The following ANGPT1 variants were observed in gnomAD, a reference collection of about 807,000 sequenced individuals.
ANGPT1 encodes the protein angiopoietin-1.
Under a neutral mutation model 62.2 loss-of-function variants are expected in ANGPT1, and 17 were observed. The observed-to-expected ratio is 0.27, with a 90% CI of 0.19 to 0.41. The LOEUF is 0.41. Among genes scored for constraint, ANGPT1 ranks in the 10% least tolerant of loss-of-function variants. The pLI, the probability that ANGPT1 is intolerant of heterozygous loss-of-function variation, is 1.00. For missense variants in ANGPT1, 478 were observed against 594.9 expected (o/e 0.80, Z 2.04); for synonymous variants, 199 against 198.9 (o/e 1.00, Z 0.00).
intron 1 of ANGPT1, among the ~76,000 whole-genome samples, chr8:107,439,336 A>G (rs1307098210): frequency 6.6e-6 from 1 of 152,208 alleles, no homozygotes; most frequent in African/African-American, 2.4e-5. Flanking sequence ...TAATAACTGT[A>G]TTGTACAAAG....
intron 2 of ANGPT1, among the ~76,000 whole-genome samples, chr8:107,337,784 CAG>C (rs1314947332): frequency 2.6e-5 from 4 of 152,064 alleles, no homozygotes; most frequent in Admixed American, 6.6e-5. Context: ...CAGATGCACA[CAG>C]AAAGTCTACT....
At chr8:107,444,173 C>A (rs1299256480) in intron 1 of ANGPT1, among the ~76,000 whole-genome samples, 1 of 152,100 alleles carries the variant, frequency 6.6e-6, no homozygotes, top group Non-Finnish European at 1.5e-5. Flanking sequence ...CAAACAAAAC[C>A]CCTAAACCTC....
chr8:107,280,521 T>C (rs1326731362), intron 7 of ANGPT1, among the ~76,000 whole-genome samples: 1 of 152,170 alleles, frequency 6.6e-6, no homozygotes, highest in Non-Finnish European at 1.5e-5. Context: ...CAGGGAAGAC[T>C]TGGAATAAGA....
At chr8:107,305,699 T>A (rs908368580) in intron 4 of ANGPT1, among the ~76,000 whole-genome samples, 1 of 152,056 alleles carries the variant, frequency 6.6e-6, no homozygotes, top group Non-Finnish European at 1.5e-5. Context: ...TGGTAACATA[T>A]CTGAAATAGA....
chr8:107,313,993 G>C (rs1814948768), intron 4 of ANGPT1, among the ~76,000 whole-genome samples: 1 of 152,012 alleles, frequency 6.6e-6, no homozygotes, highest in Non-Finnish European at 1.5e-5. Context: ...AGTAATTATA[G>C]GTGTCATTTG....
chr8:107,383,001 C>T (rs1156446131), intron 1 of ANGPT1, among the ~76,000 whole-genome samples: 1 of 152,118 alleles, frequency 6.6e-6, no homozygotes, highest in Non-Finnish European at 1.5e-5. Flanking sequence ...TGCTGAAATG[C>T]TATCTTTATT....
chr8:107,369,364 G>A (rs954879836), intron 1 of ANGPT1, among the ~76,000 whole-genome samples: 27 of 152,124 alleles, frequency 1.8e-4, no homozygotes, highest in African/African-American at 3.9e-4. Flanking sequence ...AGGTAATGTC[G>A]TGGCTGGTTT....
chr8:107,288,130 G>T (rs985985645), intron 6 of ANGPT1, among the ~76,000 whole-genome samples: 2 of 152,052 alleles, frequency 1.3e-5, no homozygotes, highest in Non-Finnish European at 2.9e-5. Context: ...TATTTAAAAG[G>T]CTCTCAGAGG....
chr8:107,372,115 C>A lies in ANGPT1; in HGVS notation c.298-25018G>T, dbSNP rs182105130. ...TAAATAGAAATTTTCAACTTCAAAA[C>A]TATTGACACTTAGGGCAAGGTGATG... On this transcript the variant is annotated intron_variant, in intron 1 of 8. Transcript: ENST00000517746. Among the ~76,000 whole-genome samples the A allele has an allele frequency of 2.0e-3, 301 of 152,108 alleles. 1 individual carries two copies. The highest frequency in any genetic ancestry group is 2.7e-3 in the Non-Finnish European group (184 of 68,004).
chr8:107,395,839 T>C (rs1816924083), intron 1 of ANGPT1, among the ~76,000 whole-genome samples: 1 of 152,152 alleles, frequency 6.6e-6, no homozygotes, highest in African/African-American at 2.4e-5. Flanking sequence ...AAAGATAGGA[T>C]GTACTTCTTC....
intron 8 of ANGPT1, among the ~76,000 whole-genome samples, chr8:107,258,051 A>G (rs1813411756): frequency 1.3e-5 from 2 of 150,702 alleles, no homozygotes; most frequent in Admixed American, 1.3e-4. Flanking sequence ...TATCAAATTC[A>G]CTTAAAACTT....
chr8:107,299,391 GTATATATA>G (rs59247214), intron 5 of ANGPT1, among the ~76,000 whole-genome samples: 27,503 of 112,488 alleles, frequency 0.24, 3,548 homozygotes, highest in Middle Eastern at 0.39. Flanking sequence ...ATGAAGGAGT[GTATATATA>G]TATATATATA....
chr8:107,324,908 C>T (rs767615576), intron 3 of ANGPT1, among the ~76,000 whole-genome samples: 1 of 152,054 alleles, frequency 6.6e-6, no homozygotes, highest in Non-Finnish European at 1.5e-5. Flanking sequence ...TGCCCTGCAC[C>T]GATCATAAAG....
Position 107,250,352 on chromosome 8 carries a change from T to C in ANGPT1, c.*1503A>G, listed in dbSNP as rs1279298357. The C allele has an allele frequency of 2.0e-5, 3 of 152,140 alleles. No homozygotes were observed. The allele number at this position is 152,140 out of a possible 1,614,324, so 9.4% of individuals were successfully genotyped here. On this transcript the variant is annotated 3_prime_UTR_variant, in exon 9 of 9. Coordinates refer to ENST00000517746, the MANE Select transcript of ANGPT1 (RefSeq NM_001146.5). ...AATTCACTTAAAATACATTATCCCA[T>C]AGGAATATTTCCATTGAGTTATTTA...
intron 1 of ANGPT1, among the ~76,000 whole-genome samples, chr8:107,456,806 C>T (rs573543903): frequency 2.0e-5 from 3 of 152,026 alleles, no homozygotes; most frequent in South Asian, 2.1e-4. Context: ...ATGTAAATCT[C>T]GAATTATACC....
Position 107,497,322 on chromosome 8 carries a change from A to G in ANGPT1, c.237T>C (p.Ser79=). Residue 79 remains serine, a synonymous_variant, in exon 1 of 9, where the codon TCT becomes TCC. Coordinates refer to ENST00000517746, the MANE Select transcript of ANGPT1 (RefSeq NM_001146.5). ...GTTCCAGATGTTGAAGTTTCTGGGA[A>G]GAGAAATCCGGTTCCACGTGTGGAG... ...RDAPHVEPDF[S]SQKLQHLEHV... 6.2e-7 allele frequency: 1 copy of G among 1,614,192 alleles called. No homozygotes were observed. Among genetic ancestry groups the G allele is most frequent in the Non-Finnish European group, 8.5e-7 (1 of 1,180,022 alleles).
chr8:107,407,633 C>T (rs182117588), intron 1 of ANGPT1, among the ~76,000 whole-genome samples: 4 of 152,266 alleles, frequency 2.6e-5, no homozygotes, highest in Admixed American at 2.6e-4. Flanking sequence ...CTCAGAAAAA[C>T]ACATCTGAGA....
chr8:107,334,204 A>C (rs1411904460), intron 3 of ANGPT1, among the ~76,000 whole-genome samples: 1 of 152,124 alleles, frequency 6.6e-6, no homozygotes, highest in African/African-American at 2.4e-5. Context: ...ACAGACAAAG[A>C]TATAATATGC....
At chr8:107,303,109 T>C (rs1264893717) in intron 5 of ANGPT1, 131 bp downstream of exon 5, 1 of 1,009,404 alleles carries the variant, frequency 9.9e-7, no homozygotes, top group Non-Finnish European at 1.5e-6. Flanking sequence ...AAACAGAGTA[T>C]CTCTGGGAGA....
Sources: gnomAD v4.1 joint callset for allele counts (sites outside exome capture counted in the v4.1 genomes callset) on GRCh38, gnomAD v4.1.1 for gene constraint, MANE v1.5 for transcripts, NCBI Gene and HGNC (gene_info 2026-07-23, HGNC 2026-07-21) for gene names.